The following PRKD1 variants were observed in gnomAD, a reference collection of about 807,000 sequenced individuals.
PRKD1 encodes serine/threonine-protein kinase D1.
Under a neutral mutation model 95.9 loss-of-function variants are expected in PRKD1, and 63 were observed. The ratio of observed to expected loss-of-function variants is 0.66; its 90% CI spans 0.54 to 0.81. PRKD1 has a LOEUF of 0.81. Ranked by LOEUF, PRKD1 falls within the 30% of genes least tolerant of loss-of-function variation. PRKD1 has a pLI of 0.00. For missense variants in PRKD1, 1,048 were observed against 1,165.3 expected (o/e 0.90, Z 1.47); for synonymous variants, 425 against 423.1 (o/e 1.00, Z -0.05).
intron 2 of PRKD1, among the ~76,000 whole-genome samples, chr14:29,725,178 C>A (rs1440260654): frequency 6.6e-6 from 1 of 152,132 alleles, no homozygotes; most frequent in Non-Finnish European, 1.5e-5. Flanking sequence ...ACATTCTGTA[C>A]AATTGCAGCC....
chr14:29,885,367 C>A lies in PRKD1; in HGVS notation c.264+41882G>T, dbSNP rs1893665090. ...CAATGGGTACTGCTATTCAAAAAAG[C>A]AAAACAGTGCAATTCTTTTGACATT... On this transcript the variant is annotated intron_variant, in intron 1 of 17. Coordinates refer to ENST00000331968, the MANE Select transcript of PRKD1 (RefSeq NM_002742.3). Among the ~76,000 whole-genome samples the A allele has an allele frequency of 2.0e-5, 3 of 151,976 alleles. No homozygotes were observed. The South Asian group carries it at 6.2e-4, about 32-fold the overall frequency.
rs573108031 is a variant in PRKD1 at position 29,922,973 on chromosome 14, T to G, written c.264+4276A>C. On this transcript the variant is annotated intron_variant, in intron 1 of 17. Coordinates refer to ENST00000331968, the MANE Select transcript of PRKD1 (RefSeq NM_002742.3). The stretch of plus-strand genomic sequence containing the variant: ...GTGGCTCACACCCAGTGGGATTCCT[T>G]AAATCCCAGCACTTTGGGAGGCCGA... 8.8e-4 allele frequency among the ~76,000 whole-genome samples: 134 copies of G among 151,776 alleles called. 1 individual carries two copies. Among genetic ancestry groups the G allele is most frequent in the Non-Finnish European group, 1.8e-3 (119 of 67,854 alleles).
intron 1 of PRKD1, among the ~76,000 whole-genome samples, chr14:29,877,827 C>A (rs1205319370): frequency 2.6e-5 from 4 of 152,180 alleles, no homozygotes; most frequent in Non-Finnish European, 5.9e-5. Context: ...ATAAATCATT[C>A]TATCATAAAG....
intron 1 of PRKD1, among the ~76,000 whole-genome samples, chr14:29,753,070 G>A (rs1385279305): frequency 6.6e-6 from 1 of 151,826 alleles, no homozygotes; most frequent in Non-Finnish European, 1.5e-5. Context: ...TAGATAGAAA[G>A]GGGGAAAATG....
At chr14:29,907,502 T>C (rs45580136) in intron 1 of PRKD1, among the ~76,000 whole-genome samples, 3,617 of 152,204 alleles carry the variant, frequency 0.024, 152 homozygotes, top group African/African-American at 0.083. Flanking sequence ...GTGAAAAAAA[T>C]AGGCAAAGAT....
chr14:29,902,343 T>C (rs1418849107), intron 1 of PRKD1, among the ~76,000 whole-genome samples: 1 of 152,124 alleles, frequency 6.6e-6, no homozygotes, highest in Non-Finnish European at 1.5e-5. Context: ...TTTTTGTTAC[T>C]AGAAAAAATA....
intron 10 of PRKD1, 161 bp downstream of exon 10, chr14:29,630,581 G>A: frequency 1.3e-6 from 1 of 788,612 alleles, no homozygotes; most frequent in Non-Finnish European, 2.0e-6. Context: ...CTTAGTATGT[G>A]CAGCAGCTTT....
At chr14:29,716,197 G>A (rs1885601359) in intron 2 of PRKD1, among the ~76,000 whole-genome samples, 1 of 152,164 alleles carries the variant, frequency 6.6e-6, no homozygotes. Flanking sequence ...AGTAATAGAT[G>A]AAAAGAGAAG....
chr14:29,909,897 C>A (rs1182077964), intron 1 of PRKD1, among the ~76,000 whole-genome samples: 1 of 152,154 alleles, frequency 6.6e-6, no homozygotes, highest in African/African-American at 2.4e-5. Context: ...ACTGGGAGAA[C>A]TTTTGTGTCC....
At chr14:29,700,929 G>C (rs920110583) in intron 2 of PRKD1, among the ~76,000 whole-genome samples, 2 of 151,714 alleles carry the variant, frequency 1.3e-5, no homozygotes, top group East Asian at 1.9e-4. Flanking sequence ...CTCTCTCGCT[G>C]TCTCCCTCCC....
chr14:29,856,426 A>C (rs1892505880), intron 1 of PRKD1, among the ~76,000 whole-genome samples: 1 of 152,222 alleles, frequency 6.6e-6, no homozygotes, highest in Non-Finnish European at 1.5e-5. Flanking sequence ...AGAACAAAAA[A>C]GACACTAAAA....
At chr14:29,637,683 A>T (rs2139133381) in intron 6 of PRKD1, among the ~76,000 whole-genome samples, 1 of 152,320 alleles carries the variant, frequency 6.6e-6, no homozygotes. Context: ...AAGTGTGACA[A>T]TGTTTTCCTG....
chr14:29,687,192 T>A (rs533737772), intron 2 of PRKD1, among the ~76,000 whole-genome samples: 87 of 152,242 alleles, frequency 5.7e-4, no homozygotes, highest in African/African-American at 2.0e-3. Flanking sequence ...TTGAAAACAC[T>A]CTCTAATCTC....
At chr14:29,762,796 T>G (rs1287177482) in intron 1 of PRKD1, among the ~76,000 whole-genome samples, 1 of 152,190 alleles carries the variant, frequency 6.6e-6, no homozygotes. Context: ...CAGGCTGGAG[T>G]GCAGAGGCAC....
At chr14:29,678,076 AT>A (rs1335720088) in intron 2 of PRKD1, among the ~76,000 whole-genome samples, 1 of 152,218 alleles carries the variant, frequency 6.6e-6, no homozygotes, top group Non-Finnish European at 1.5e-5. Flanking sequence ...ATAATGTCAA[AT>A]CATCTTATTT....
chr14:29,863,520 C>T (rs1254911722), intron 1 of PRKD1, among the ~76,000 whole-genome samples: 4 of 152,148 alleles, frequency 2.6e-5, no homozygotes, highest in African/African-American at 7.2e-5. Context: ...TTAAAACAAA[C>T]AAGCATGGAT....
chr14:29,718,172 G>A (rs1028191756), intron 2 of PRKD1, among the ~76,000 whole-genome samples: 7 of 152,102 alleles, frequency 4.6e-5, no homozygotes, highest in Admixed American at 1.3e-4. Flanking sequence ...GTCCCCACCC[G>A]AATCTTATCT....
intron 16 of PRKD1, among the ~76,000 whole-genome samples, chr14:29,590,590 T>G (rs1009162809): frequency 6.6e-6 from 1 of 152,186 alleles, no homozygotes; most frequent in Non-Finnish European, 1.5e-5. Context: ...ATAATTATAG[T>G]TAACTCAGAC....
intron 16 of PRKD1, among the ~76,000 whole-genome samples, chr14:29,586,718 C>T (rs1159126174): frequency 4.6e-5 from 7 of 151,980 alleles, no homozygotes; most frequent in Admixed American, 3.3e-4. Context: ...CTTGGCTCAC[C>T]GCAATCTCTG....
Sources: allele counts gnomAD v4.1 joint callset (sites outside exome capture counted in the v4.1 genomes callset), GRCh38; gene constraint gnomAD v4.1.1; transcripts MANE v1.5; gene names NCBI Gene and HGNC (gene_info 2026-07-23, HGNC 2026-07-21).